Variants in RBFOX1 observed in about 807,000 individuals in gnomAD.
RBFOX1 encodes RNA binding fox-1 homolog 1.
In RBFOX1, 8 loss-of-function variants were observed where a neutral mutation model predicts 57.7. The ratio of observed to expected loss-of-function variants is 0.14; its 90% CI spans 0.08 to 0.25. The LOEUF is 0.25. Among genes scored for constraint, RBFOX1 ranks in the 10% least tolerant of loss-of-function variants. RBFOX1 has a pLI of 1.00. For synonymous variants in RBFOX1, 326 were observed against 222.4 expected (o/e 1.47, Z -4.15); for missense variants, 611 against 548.5 (o/e 1.11, Z -1.14).
chr16:5,310,527 A>T (rs1319914183), intron 1 of RBFOX1, among the ~76,000 whole-genome samples: 3 of 152,162 alleles, frequency 2.0e-5, no homozygotes, highest in African/African-American at 7.2e-5. Context: ...TCATCTGTAT[A>T]TGGAGGAGGG....
chr16:7,045,709 C>T (rs75664954), intron 3 of RBFOX1, among the ~76,000 whole-genome samples: 11,282 of 151,994 alleles, frequency 0.074, 676 homozygotes, highest in East Asian at 0.29. Context: ...GGCTGGAGTG[C>T]AGTGGCTTGA....
chr16:5,693,311 A>T (rs1435824122), intron 3 of RBFOX1, among the ~76,000 whole-genome samples: 1 of 152,106 alleles, frequency 6.6e-6, no homozygotes, highest in East Asian at 1.9e-4. Flanking sequence ...CATTAAAATA[A>T]AATGATTTTT....
intron 4 of RBFOX1, among the ~76,000 whole-genome samples, chr16:7,313,209 A>G (rs536493218): frequency 3.3e-5 from 5 of 152,334 alleles, no homozygotes; most frequent in South Asian, 4.1e-4. Flanking sequence ...ACTCGTTGAC[A>G]GGTTCCCTCA....
chr16:6,556,165 A>C (rs2097095340), intron 2 of RBFOX1, among the ~76,000 whole-genome samples: 1 of 152,170 alleles, frequency 6.6e-6, no homozygotes, highest in Non-Finnish European at 1.5e-5. Context: ...CCCTGTCTTT[A>C]TTTAAACGTG....
At chr16:6,791,778 A>G (rs113584687) in intron 3 of RBFOX1, among the ~76,000 whole-genome samples, 51 of 152,226 alleles carry the variant, frequency 3.4e-4, no homozygotes, top group African/African-American at 1.0e-3. Flanking sequence ...GCATCAAACC[A>G]GGTGCAGGAC....
At chr16:7,039,022 C>G (rs1035672165) in intron 3 of RBFOX1, among the ~76,000 whole-genome samples, 2 of 139,300 alleles carry the variant, frequency 1.4e-5, no homozygotes, top group Non-Finnish European at 3.0e-5. Flanking sequence ...ACCATTATTA[C>G]CAAACAATAT....
chr16:7,311,887 G>A (rs1156743101), intron 4 of RBFOX1, among the ~76,000 whole-genome samples: 3 of 152,140 alleles, frequency 2.0e-5, no homozygotes, highest in Admixed American at 6.5e-5. Flanking sequence ...TCCCAACTCT[G>A]TTATTCAATT....
chr16:6,030,268 G>T (rs1218229180), intron 1 of RBFOX1, among the ~76,000 whole-genome samples: 1 of 152,080 alleles, frequency 6.6e-6, no homozygotes, highest in Non-Finnish European at 1.5e-5. Flanking sequence ...TGTTAGCTTT[G>T]GTTTCAGGAT....
At chr16:5,720,081 G>C (rs1407349354) in intron 3 of RBFOX1, among the ~76,000 whole-genome samples, 1 of 151,978 alleles carries the variant, frequency 6.6e-6, no homozygotes, top group East Asian at 1.9e-4. Context: ...CCAACACTTG[G>C]TATGATCAGT....
intron 10 of RBFOX1, among the ~76,000 whole-genome samples, chr16:7,612,710 T>C (rs756628199): frequency 6.6e-6 from 1 of 152,088 alleles, no homozygotes; most frequent in Non-Finnish European, 1.5e-5. Context: ...TCTTCATGAA[T>C]AAGTAAAGCA....
At chr16:5,359,474 TG>T (rs2151333851) in intron 1 of RBFOX1, among the ~76,000 whole-genome samples, 1 of 152,348 alleles carries the variant, frequency 6.6e-6, no homozygotes, top group African/African-American at 2.4e-5. Context: ...TGCCAGCATT[TG>T]TTCATGCCTG....
At chr16:5,801,808 GC>G (rs1210094356) in intron 3 of RBFOX1, among the ~76,000 whole-genome samples, 1 of 152,164 alleles carries the variant, frequency 6.6e-6, no homozygotes, top group Non-Finnish European at 1.5e-5. Context: ...TGAACCGGGT[GC>G]CAAAATTATC....
intron 4 of RBFOX1, among the ~76,000 whole-genome samples, chr16:7,411,535 T>C (rs2098425020): frequency 6.6e-6 from 1 of 152,154 alleles, no homozygotes; most frequent in African/African-American, 2.4e-5. Flanking sequence ...CCCAGTCTAA[T>C]TGTAAGAAAA....
intron 2 of RBFOX1, among the ~76,000 whole-genome samples, chr16:5,532,008 C>T (rs959343784): frequency 6.6e-6 from 1 of 152,092 alleles, no homozygotes; most frequent in African/African-American, 2.4e-5. Context: ...CCTTGTTGGC[C>T]AGGCTGATCT....
chr16:7,505,059 C>T (rs1370335321), intron 4 of RBFOX1, among the ~76,000 whole-genome samples: 1 of 151,140 alleles, frequency 6.6e-6, no homozygotes, highest in Non-Finnish European at 1.5e-5. Flanking sequence ...ACCTTGCTCT[C>T]AGTGCCCCGA....
At chr16:6,247,518 A>G (rs2097575922) in intron 1 of RBFOX1, among the ~76,000 whole-genome samples, 1 of 152,248 alleles carries the variant, frequency 6.6e-6, no homozygotes, top group Non-Finnish European at 1.5e-5. Flanking sequence ...AGATAGTGGT[A>G]GTAACAGCCA....
chr16:6,683,626 T>A (rs1196763488), intron 3 of RBFOX1, among the ~76,000 whole-genome samples: 1 of 152,202 alleles, frequency 6.6e-6, no homozygotes, highest in Non-Finnish European at 1.5e-5. Context: ...TGTTTGCATA[T>A]CCAAACTGCA....
intron 3 of RBFOX1, among the ~76,000 whole-genome samples, chr16:6,863,193 T>C (rs181687957): frequency 9.2e-5 from 14 of 152,212 alleles, no homozygotes; most frequent in African/African-American, 3.4e-4. Flanking sequence ...CCTGAATTAC[T>C]TTTTGGAATA....
intron 1 of RBFOX1, among the ~76,000 whole-genome samples, chr16:6,243,840 G>A (rs531171975): frequency 6.6e-6 from 1 of 152,154 alleles, no homozygotes; most frequent in South Asian, 2.1e-4. Flanking sequence ...TGCCTGAGAT[G>A]AAAGACCATC....
Sources: allele counts gnomAD v4.1 joint callset (sites outside exome capture counted in the v4.1 genomes callset), GRCh38; gene constraint gnomAD v4.1.1; transcripts MANE v1.5; gene names NCBI Gene and HGNC (gene_info 2026-07-23, HGNC 2026-07-21).